Variants in STX2 observed in about 807,000 individuals in gnomAD.
STX2 encodes syntaxin 2.
STX2 carries 27 observed loss-of-function variants against 40.6 expected under a neutral mutation model. That is an observed-to-expected ratio of 0.66 (90% CI 0.49 to 0.92). The LOEUF is 0.92. STX2 is among the 40% of genes least tolerant of loss of function. The probability of loss-of-function intolerance (pLI) is 0.00; values close to 1 mark genes in which losing one functional copy is unlikely to be tolerated. For missense variants in STX2, 328 were observed against 366.1 expected (o/e 0.90, Z 0.85); for synonymous variants, 123 against 119.1 (o/e 1.03, Z -0.22).
Position 130,791,744 on chromosome 12 carries a change from G to A in STX2, c.*279C>T, listed in dbSNP as rs759186676. 2.5e-5 allele frequency: 16 copies of A among 646,828 alleles called. No individual in the cohort carries two copies. Among genetic ancestry groups the A allele is most frequent in the Non-Finnish European group, 3.0e-5 (11 of 368,842 alleles). 40.1% of individuals were successfully genotyped at this position (646,828 alleles called of 1,614,324 possible). On this transcript the variant is annotated 3_prime_UTR_variant, in exon 11 of 11. Transcript: ENST00000392373. Reference sequence around the variant, plus strand: ...TTACGGCGCTGTCACTGAACAAGACGTTCGGTTGTGCTTCTTCCGTGAACT... The same window carrying A: ...TTACGGCGCTGTCACTGAACAAGACATTCGGTTGTGCTTCTTCCGTGAACT...
At chr12:130,837,456 G>A (rs910722087) in intron 1 of STX2, among the ~76,000 whole-genome samples, 1 of 152,104 alleles carries the variant, frequency 6.6e-6, no homozygotes, top group Non-Finnish European at 1.5e-5. Flanking sequence ...ATGACATCCG[G>A]CTATTTTAGT....
At chr12:130,820,273 G>A (rs1952062034) in intron 3 of STX2, among the ~76,000 whole-genome samples, 2 of 152,122 alleles carry the variant, frequency 1.3e-5, no homozygotes, top group African/African-American at 4.8e-5. Context: ...AAGCTACAGA[G>A]AATATCAGAA....
At chr12:130,817,451 G>C (rs759590526) in intron 3 of STX2, among the ~76,000 whole-genome samples, 1 of 152,108 alleles carries the variant, frequency 6.6e-6, no homozygotes, top group Non-Finnish European at 1.5e-5. Flanking sequence ...CAAAAGAGGA[G>C]AGACAGAAAG....
intron 4 of STX2, chr12:130,812,589 A>G (rs1158469787): frequency 3.8e-6 from 1 of 260,556 alleles, no homozygotes; most frequent in Non-Finnish European, 7.4e-6. Flanking sequence ...TGACAAAGCT[A>G]TAAGCCTCCC....
chr12:130,796,081 C>T lies in STX2; in HGVS notation c.826G>A (p.Ala276Thr), dbSNP rs1246933928. The change falls in exon 10 of 11, where the codon GCC (alanine) becomes ACC (threonine). Residue 276 changes from alanine (A) to threonine (T), a missense_variant. By Grantham distance (58) the Ala-to-Thr change is moderately conservative (BLOSUM62 0). Coordinates refer to ENST00000392373, the MANE Select transcript of STX2 (RefSeq NM_194356.4). ...AAGCCAATAATTAGAGCGATTATGG[C>T]AACCAGAACCACTGACACAGCAATA... ...IIIAVSVVLV[A>T]IIALIIGLSV... The T allele has an allele frequency of 1.9e-6, 3 of 1,614,036 alleles. No homozygotes were observed. The highest frequency in any genetic ancestry group is 3.3e-5 in the Admixed American group (2 of 60,000).
intron 3 of STX2, among the ~76,000 whole-genome samples, chr12:130,818,384 G>T (rs1020282704): frequency 4.0e-5 from 6 of 150,482 alleles, no homozygotes; most frequent in African/African-American, 1.5e-4. Context: ...TGGAGGGTGG[G>T]GGGGAGAGGG....
At chr12:130,831,279 G>A (rs1351704533) in intron 1 of STX2, among the ~76,000 whole-genome samples, 1 of 152,128 alleles carries the variant, frequency 6.6e-6, no homozygotes, top group Non-Finnish European at 1.5e-5. Context: ...TATACACAGT[G>A]GTTTTAGTAC....
Position 130,790,042 on chromosome 12 carries a change from G to A in STX2, c.*1981C>T, listed in dbSNP as rs1227765580. The A allele has an allele frequency of 6.6e-6, 1 of 152,224 alleles. No homozygotes were observed. Among genetic ancestry groups the A allele is most frequent in the African/African-American group, 2.4e-5 (1 of 41,440 alleles). 9.4% of individuals were successfully genotyped at this position (152,224 alleles called of 1,614,324 possible). ...CCCCCTGTGGACATGATTCCACAGA[G>A]GCGTGGAGTCCTTTTGCCACCAGCA... On this transcript the variant is annotated 3_prime_UTR_variant, in exon 11 of 11. Coordinates refer to ENST00000392373, the MANE Select transcript of STX2 (RefSeq NM_194356.4).
At chr12:130,815,137 A>T (rs1485872136) in intron 3 of STX2, among the ~76,000 whole-genome samples, 1 of 152,042 alleles carries the variant, frequency 6.6e-6, no homozygotes, top group Non-Finnish European at 1.5e-5. Context: ...CTAGAAAAAA[A>T]GAGAAACTAG....
At chr12:130,799,751 TTGCAG>T (rs1312084981) in intron 8 of STX2, among the ~76,000 whole-genome samples, 2 of 150,904 alleles carry the variant, frequency 1.3e-5, no homozygotes, top group East Asian at 3.9e-4. Flanking sequence ...GAGGCAGAGG[TTGCAG>T]TGAGCCAAGA....
chr12:130,800,278 T>C (rs916394138), intron 8 of STX2, among the ~76,000 whole-genome samples: 2 of 151,544 alleles, frequency 1.3e-5, no homozygotes, highest in Non-Finnish European at 2.9e-5. Flanking sequence ...AATATATACA[T>C]ACATACATAT....
chr12:130,818,936 G>A (rs1390871897), intron 3 of STX2, among the ~76,000 whole-genome samples: 1 of 152,164 alleles, frequency 6.6e-6, no homozygotes, highest in Non-Finnish European at 1.5e-5. Flanking sequence ...CTGGATCCGC[G>A]TCTTGGAGGG....
chr12:130,828,440 A>G (rs1209268649), intron 1 of STX2, among the ~76,000 whole-genome samples: 2 of 123,410 alleles, frequency 1.6e-5, no homozygotes, highest in Non-Finnish European at 3.2e-5. Context: ...GGATTTCACC[A>G]TGTTGGCCAG....
intron 6 of STX2, among the ~76,000 whole-genome samples, chr12:130,806,314 G>C (rs1033038360): frequency 2.0e-5 from 3 of 152,190 alleles, no homozygotes; most frequent in Non-Finnish European, 4.4e-5. Context: ...CCCCAGGTCA[G>C]GGACAAAGGG....
chr12:130,835,026 C>T (rs972450916), intron 1 of STX2, among the ~76,000 whole-genome samples: 1 of 152,240 alleles, frequency 6.6e-6, no homozygotes, highest in Non-Finnish European at 1.5e-5. Flanking sequence ...CGGTGGCTCA[C>T]GCCTGAAATC....
At position 130,839,084 on chromosome 12, in the gene STX2, G is replaced by C; in HGVS notation, c.16C>G (p.Pro6Ala). The stretch of plus-strand genomic sequence containing the variant: ...CTGCCGCTCACCGCCGTCAGGTCTG[G>C]CAGCCGGTCCCGCATCCCCGCCGGC... MRDRL[P>A]DLTACRKNDD... The change falls in exon 1 of 11, where the codon CCA becomes GCA. Residue 6 changes from proline (P) to alanine (A), a missense_variant. Physicochemically the swap from Pro to Ala is conservative, Grantham distance 27. Coordinates refer to ENST00000392373, the MANE Select transcript of STX2 (RefSeq NM_194356.4). 2 of 1,327,010 alleles carry C rather than the reference G, an allele frequency of 1.5e-6. No homozygotes were observed. The highest frequency in any genetic ancestry group is 1.9e-6 in the Non-Finnish European group (2 of 1,034,480). 82.2% of individuals were successfully genotyped at this position (1,327,010 alleles called of 1,614,324 possible).
chr12:130,801,447 C>T lies in STX2; in HGVS notation c.505G>A (p.Glu169Lys). 2 of 1,611,408 alleles carry T rather than the reference C, an allele frequency of 1.2e-6. No individual in the cohort carries two copies. The highest frequency in any genetic ancestry group is 1.7e-6 in the Non-Finnish European group (2 of 1,178,550). ...GTGAAGATGGATGGCTTCCCGCTCT[C>T]CAGCATCTCTTCTAGCTCGTCGTCT... is the stretch of plus-strand genomic sequence containing the variant. ...TTDDELEEML[E>K]SGKPSIFTSD... The change falls in exon 7 of 11, where the codon GAG becomes AAG. Residue 169 changes from glutamate to lysine, a missense_variant. By Grantham distance (56) the Glu-to-Lys change is moderately conservative. Transcript: ENST00000392373.
chr12:130,808,730 C>T (rs558393055), intron 4 of STX2, 26 bp from the exon 5 acceptor site: 7 of 1,568,934 alleles, frequency 4.5e-6, no homozygotes, highest in South Asian at 3.5e-5. Context: ...AAATAATTAC[C>T]TTCCAAATTT....
At chr12:130,827,370 ACT>A in intron 1 of STX2, 103 bp from the exon 2 acceptor site, 1 of 810,908 alleles carries the variant, frequency 1.2e-6, no homozygotes, top group South Asian at 1.5e-5. Context: ...ATCTCAACTC[ACT>A]ACAGCACCAA....
Sources: gnomAD v4.1 joint callset for allele counts (sites outside exome capture counted in the v4.1 genomes callset) on GRCh38, gnomAD v4.1.1 for gene constraint, MANE v1.5 for transcripts, NCBI Gene and HGNC (gene_info 2026-07-23, HGNC 2026-07-21) for gene names.